SLC9A8: variants seen among roughly 807,000 people sequenced by gnomAD.
SLC9A8 encodes sodium/hydrogen exchanger 8.
SLC9A8 carries 48 observed loss-of-function variants against 66.6 expected under a neutral mutation model. That is an observed-to-expected ratio of 0.72 (90% CI 0.57 to 0.92). The LOEUF (loss-of-function observed/expected upper bound fraction) is 0.92, where lower values mean the gene tolerates loss of function less well. Among genes scored for constraint, SLC9A8 ranks in the 40% least tolerant of loss-of-function variants. The pLI, the probability that SLC9A8 is intolerant of heterozygous loss-of-function variation, is 0.00. For synonymous variants in SLC9A8, 274 were observed against 282.6 expected (o/e 0.97, Z 0.31); for missense variants, 599 against 747.3 (o/e 0.80, Z 2.31).
Position 49,851,101 on chromosome 20 carries a change from C to A in SLC9A8, c.569+257C>A, listed in dbSNP as rs574938511. 5.9e-5 allele frequency among the ~76,000 whole-genome samples: 9 copies of A among 152,300 alleles called. No individual in the cohort carries two copies. The South Asian group carries it at 1.9e-3, about 32-fold the overall frequency. On this transcript the variant is annotated intron_variant, in intron 7 of 15. Transcript: ENST00000361573. ...TTAGTTTAAGCTTGGGAGGGAGTAACTCTGCTCAGCTAACTGCCCTGCCTG... is the reference window on the plus strand; with the variant it reads ...TTAGTTTAAGCTTGGGAGGGAGTAAATCTGCTCAGCTAACTGCCCTGCCTG...
At chr20:49,832,099 T>A (rs2087224383) in intron 3 of SLC9A8, among the ~76,000 whole-genome samples, 1 of 152,142 alleles carries the variant, frequency 6.6e-6, no homozygotes, top group South Asian at 2.1e-4. Flanking sequence ...TCCCACATTC[T>A]CCAGCCTGCC....
intron 4 of SLC9A8, among the ~76,000 whole-genome samples, chr20:49,842,968 C>G (rs182966369): frequency 1.3e-5 from 2 of 152,314 alleles, no homozygotes; most frequent in African/African-American, 4.8e-5. Flanking sequence ...TGGCATTCTT[C>G]TCCACGTGTC....
At chr20:49,854,282 C>T (rs2088373097) in intron 7 of SLC9A8, among the ~76,000 whole-genome samples, 4 of 152,110 alleles carry the variant, frequency 2.6e-5, no homozygotes, top group African/African-American at 7.2e-5. Flanking sequence ...CTGCCTCCCT[C>T]GCCAGCCTCT....
chr20:49,882,192 T>G (rs539351252), intron 13 of SLC9A8, among the ~76,000 whole-genome samples: 21 of 152,298 alleles, frequency 1.4e-4, no homozygotes, highest in African/African-American at 5.1e-4. Flanking sequence ...TGTCCGCACC[T>G]CTTTTGCCAT....
chr20:49,822,954 C>T (rs1568792011), intron 2 of SLC9A8, 107 bp from the exon 3 acceptor site: 1 of 855,724 alleles, frequency 1.2e-6, no homozygotes, highest in East Asian at 2.5e-5. Flanking sequence ...TCCAATTGTC[C>T]ATTTCTGTGA....
At chr20:49,863,453 G>A (rs2088830954) in intron 9 of SLC9A8, among the ~76,000 whole-genome samples, 1 of 152,212 alleles carries the variant, frequency 6.6e-6, no homozygotes, top group Non-Finnish European at 1.5e-5. Context: ...AGTGGCTCAT[G>A]CCTGTAATCC....
intron 8 of SLC9A8, among the ~76,000 whole-genome samples, chr20:49,857,265 C>CA (rs2088534714): frequency 6.6e-6 from 1 of 152,212 alleles, no homozygotes; most frequent in South Asian, 2.1e-4. Context: ...ATAGAATTTC[C>CA]ATTTACCTGA....
At chr20:49,830,485 G>C (rs1489023223) in intron 3 of SLC9A8, 1 of 794,096 alleles carries the variant, frequency 1.3e-6, no homozygotes, top group Admixed American at 1.9e-5. Context: ...ATCTGCCCTG[G>C]AAAGTGCTAC....
At chr20:49,877,659 A>G (rs970966517) in intron 11 of SLC9A8, among the ~76,000 whole-genome samples, 1 of 152,160 alleles carries the variant, frequency 6.6e-6, no homozygotes, top group African/African-American at 2.4e-5. Context: ...GGCCCTTGCT[A>G]ATGACAGTGT....
intron 13 of SLC9A8, among the ~76,000 whole-genome samples, chr20:49,882,765 CCT>C (rs1316532115): frequency 3.9e-5 from 6 of 152,194 alleles, no homozygotes; most frequent in Non-Finnish European, 4.4e-5. Context: ...GGGTACACAC[CCT>C]GTTAAAGCAC....
chr20:49,891,122 C>G lies in SLC9A8; in HGVS notation c.*3186C>G, dbSNP rs932731071. 1 of 152,420 alleles carries G rather than the reference C, an allele frequency of 6.6e-6. No homozygotes were observed. The highest frequency in any genetic ancestry group is 1.5e-5 in the Non-Finnish European group (1 of 68,242). The allele number at this position is 152,420 out of a possible 1,614,324, so 9.4% of individuals were successfully genotyped here. ...GGTGTGGGTGTGGCCTGGGGTGGCT[C>G]AGGGCTGGAACTGCTGCCTGATTCC... On this transcript the variant is annotated 3_prime_UTR_variant, in exon 16 of 16. Coordinates refer to ENST00000361573, the MANE Select transcript of SLC9A8 (RefSeq NM_015266.3).
At chr20:49,862,266 T>C (rs1283968282) in intron 8 of SLC9A8, among the ~76,000 whole-genome samples, 1 of 152,040 alleles carries the variant, frequency 6.6e-6, no homozygotes, top group Non-Finnish European at 1.5e-5. Flanking sequence ...GCCTTTTTTA[T>C]TTTTTATTTT....
rs928423697 is a variant in SLC9A8, at chr20:49,846,775, G to A, written c.432+1656G>A. ...CTAAACATACAAAAATTAGCTGGTC[G>A]TGGTGGTGCGTGCCTGTAATCCCAG... On this transcript the variant is annotated intron_variant, in intron 5 of 15. Coordinates refer to ENST00000361573, the MANE Select transcript of SLC9A8 (RefSeq NM_015266.3). Among the ~76,000 whole-genome samples, 13 of 152,078 alleles carry A rather than the reference G, an allele frequency of 8.5e-5. No individual in the cohort carries two copies. In the South Asian group the frequency reaches 2.1e-3, roughly 24 times the overall value.
chr20:49,830,263 G>C, intron 3 of SLC9A8: 1 of 1,093,880 alleles, frequency 9.1e-7, no homozygotes, highest in Non-Finnish European at 1.4e-6. Flanking sequence ...CTCATGAGAA[G>C]TGGAATCGTC....
rs181338882 is a variant in SLC9A8, at chr20:49,816,055, A to G, written c.208+866A>G. ...ATTAACCATGGTCATGACTTTTGCCATATCTATGTACCACCTGTATTGTTA... is the reference window on the plus strand; with the variant it reads ...ATTAACCATGGTCATGACTTTTGCCGTATCTATGTACCACCTGTATTGTTA... On this transcript the variant is annotated intron_variant, in intron 2 of 15. Coordinates refer to ENST00000361573, the MANE Select transcript of SLC9A8 (RefSeq NM_015266.3). Among the ~76,000 whole-genome samples the G allele has an allele frequency of 2.4e-3, 367 of 152,282 alleles. 2 individuals carry two copies. The highest frequency in any genetic ancestry group is 8.3e-3 in the African/African-American group (347 of 41,558).
intron 10 of SLC9A8, among the ~76,000 whole-genome samples, chr20:49,866,320 G>T (rs965609095): frequency 3.3e-5 from 5 of 152,292 alleles, no homozygotes; most frequent in Non-Finnish European, 7.4e-5. Flanking sequence ...GGCATTTGGG[G>T]TTTTCCAGAT....
chr20:49,842,730 A>G (rs141543199), intron 4 of SLC9A8, among the ~76,000 whole-genome samples: 1 of 152,354 alleles, frequency 6.6e-6, no homozygotes, highest in African/African-American at 2.4e-5. Flanking sequence ...CAGTGTGTTC[A>G]TAAGGGCTGC....
chr20:49,855,454 C>T lies in SLC9A8; in HGVS notation c.586C>T (p.Leu196=). Residue 196 remains leucine (L), a synonymous_variant, in exon 8 of 16, where the codon CTA becomes TTA. Transcript: ENST00000361573. ...CTCTTACAGTTTTGCGTTTGGCTCC[C>T]TAATATCTGCTGTCGATCCAGTGGC... ...NMTDSFAFGS[L]ISAVDPVATI... is the part of the protein sequence containing the mutation. 1.9e-6 allele frequency: 3 copies of T among 1,614,172 alleles called. No homozygotes were observed. Among genetic ancestry groups the T allele is most frequent in the Non-Finnish European group, 2.5e-6 (3 of 1,180,020 alleles).
chr20:49,818,072 G>A (rs1343115047), intron 2 of SLC9A8, among the ~76,000 whole-genome samples: 1 of 151,924 alleles, frequency 6.6e-6, no homozygotes, highest in Non-Finnish European at 1.5e-5. Flanking sequence ...AAGGGAAATT[G>A]AAAAGTATAA....
Sources: gnomAD v4.1 joint callset for allele counts (sites outside exome capture counted in the v4.1 genomes callset) on GRCh38, gnomAD v4.1.1 for gene constraint, MANE v1.5 for transcripts, NCBI Gene and HGNC (gene_info 2026-07-23, HGNC 2026-07-21) for gene names.